The following ACSM1 variants were observed in gnomAD, a reference collection of about 807,000 sequenced individuals.
ACSM1 encodes the protein acyl-coenzyme A synthetase ACSM1, mitochondrial.
ACSM1 carries 79 observed loss-of-function variants against 75.8 expected under a neutral mutation model. The ratio of observed to expected loss-of-function variants is 1.04; its 90% CI spans 0.87 to 1.26. The LOEUF (loss-of-function observed/expected upper bound fraction) is 1.26. Among genes scored for constraint, ACSM1 ranks in the 50% most tolerant of loss-of-function variants. The pLI, the probability that ACSM1 is intolerant of heterozygous loss-of-function variation, is 0.00. For synonymous variants in ACSM1, 279 were observed against 265.8 expected (o/e 1.05, Z -0.48); for missense variants, 676 against 720.1 (o/e 0.94, Z 0.70).
chr16:20,654,094 A>G (rs2018806384), intron 7 of ACSM1, among the ~76,000 whole-genome samples: 1 of 152,210 alleles, frequency 6.6e-6, no homozygotes, highest in Non-Finnish European at 1.5e-5. Flanking sequence ...CCTCAGAAAT[A>G]ATACCAAACA....
At chr16:20,649,942 A>G (rs1274965032) in intron 7 of ACSM1, among the ~76,000 whole-genome samples, 1 of 152,174 alleles carries the variant, frequency 6.6e-6, no homozygotes, top group Non-Finnish European at 1.5e-5. Flanking sequence ...ACTCTTTGTC[A>G]ACAATAGTTT....
intron 10 of ACSM1, among the ~76,000 whole-genome samples, chr16:20,633,482 G>C (rs531670997): frequency 6.6e-6 from 1 of 152,242 alleles, no homozygotes; most frequent in African/African-American, 2.4e-5. Context: ...GGAGGCAAAA[G>C]ACTTGTACAC....
intron 7 of ACSM1, among the ~76,000 whole-genome samples, chr16:20,655,475 T>C (rs2018908297): frequency 6.6e-6 from 1 of 152,150 alleles, no homozygotes. Context: ...GTGAATGAAC[T>C]ATGTAAGTCA....
At chr16:20,627,904 A>ACATATATGTATATATATG (rs2017081267) in intron 10 of ACSM1, among the ~76,000 whole-genome samples, 1 of 72,308 alleles carries the variant, frequency 1.4e-5, no homozygotes, top group South Asian at 3.6e-4. Context: ...ATATATATAT[A>ACATATATGTATATATATG]TATATATATA....
At position 20,638,245 on chromosome 16, in the gene ACSM1, A is replaced by C. The variant is rs142986486; in HGVS notation, c.1117-794T>G. 2.7e-4 allele frequency among the ~76,000 whole-genome samples: 41 copies of C among 152,302 alleles called. 1 individual carries two copies. Among genetic ancestry groups the C allele is most frequent in the African/African-American group, 9.9e-4 (41 of 41,562 alleles). On this transcript the variant is annotated intron_variant, in intron 8 of 13. Transcript: ENST00000520010. ...AATAATGATAACACTTACCTCCCAG[A>C]GTGCTTGTAAGCATATGGAAAATTC...
intron 7 of ACSM1, among the ~76,000 whole-genome samples, chr16:20,653,984 G>C (rs145544536): frequency 3.3e-5 from 5 of 152,108 alleles, no homozygotes; most frequent in Admixed American, 1.3e-4. Context: ...TGGAGGCATC[G>C]CGCTACCTGA....
At chr16:20,673,480 TAA>T (rs994455662) in intron 4 of ACSM1, among the ~76,000 whole-genome samples, 2 of 152,172 alleles carry the variant, frequency 1.3e-5, no homozygotes, top group African/African-American at 4.8e-5. Context: ...GGGGTTGAAA[TAA>T]AGAGCTTTAA....
At chr16:20,672,371 C>T (rs961427593) in intron 4 of ACSM1, among the ~76,000 whole-genome samples, 2 of 139,684 alleles carry the variant, frequency 1.4e-5, no homozygotes, top group African/African-American at 2.7e-5. Context: ...TAGTTGTGAA[C>T]CTGGGAGGCT....
At chr16:20,671,807 G>T in intron 4 of ACSM1, 136 bp from the exon 5 acceptor site, 2 of 961,726 alleles carry the variant, frequency 2.1e-6, no homozygotes, top group South Asian at 2.7e-5. Flanking sequence ...CTCTCCCGGA[G>T]TTAGGCATCA....
chr16:20,650,736 T>C (rs186619314), intron 7 of ACSM1, among the ~76,000 whole-genome samples: 151 of 152,198 alleles, frequency 9.9e-4, no homozygotes, highest in Non-Finnish European at 1.8e-3. Context: ...AATGACCCTC[T>C]TTTGGGCACT....
chr16:20,685,843 AAAAC>A lies in ACSM1; in HGVS notation c.193-444_193-441del, dbSNP rs1212191682. Among the ~76,000 whole-genome samples the A allele has an allele frequency of 3.8e-3, 475 of 125,270 alleles. 69 individuals carry two copies. The highest frequency in any genetic ancestry group is 6.7e-3 in the Non-Finnish European group (363 of 53,824). The allele number at this position is 125,270 out of a possible 152,430, so 82.2% of individuals were successfully genotyped here. A position where few individuals can be genotyped will look rare whatever the true frequency, so the allele number is the denominator to read the frequency against. ...TCAAAAAAAAAAAACAAACAAAAAAAAAACAAAAAACTTATAGCATCAGGAGAGG... is the reference window on the plus strand; with the variant it reads ...TCAAAAAAAAAAAACAAACAAAAAAAAAAAAACTTATAGCATCAGGAGAGG... On this transcript the variant is annotated intron_variant, in intron 2 of 13. Coordinates refer to ENST00000520010, the MANE Select transcript of ACSM1 (RefSeq NM_001318890.3).
chr16:20,641,270 G>T (rs998303215), intron 7 of ACSM1, among the ~76,000 whole-genome samples: 2 of 152,158 alleles, frequency 1.3e-5, no homozygotes, highest in African/African-American at 4.8e-5. Flanking sequence ...GCTAATAGAG[G>T]TGGCCTTGCA....
Position 20,624,230 on chromosome 16 carries a change from C to G in ACSM1, c.1528-15G>C. The G allele has an allele frequency of 1.3e-6, 2 of 1,599,920 alleles. No homozygotes were observed. The highest frequency in any genetic ancestry group is 2.2e-5 in the South Asian group (2 of 89,374). ...GCCTTCACCACCTGCAGAATGAAGT[C>G]ATGGGCTCACAGTGAGTGCCAACCT... On this transcript the variant is annotated splice_polypyrimidine_tract_variant and intron_variant, in intron 12 of 13. Transcript: ENST00000520010.
At chr16:20,661,969 A>G in intron 6 of ACSM1, 96 bp from the exon 7 acceptor site, 2 of 699,108 alleles carry the variant, frequency 2.9e-6, no homozygotes, top group East Asian at 5.4e-5. Context: ...CCACTAGAAG[A>G]GCCCATTTGT....
intron 4 of ACSM1, chr16:20,679,146 C>G (rs939562683): frequency 6.6e-6 from 1 of 152,246 alleles, no homozygotes; most frequent in Non-Finnish European, 1.5e-5. Context: ...TCTACTTCTA[C>G]TGCTGTTAAA....
chr16:20,668,913 TGA>T (rs1450861660), intron 6 of ACSM1, among the ~76,000 whole-genome samples: 1 of 152,052 alleles, frequency 6.6e-6, no homozygotes. Flanking sequence ...TAGCGAAAAG[TGA>T]GAGACTGAAA....
At chr16:20,675,337 G>A (rs923913202) in intron 4 of ACSM1, among the ~76,000 whole-genome samples, 3 of 152,180 alleles carry the variant, frequency 2.0e-5, no homozygotes. Context: ...AGATCCCTTA[G>A]CGCAGGCTGT....
At chr16:20,628,795 T>C (rs938974318) in intron 10 of ACSM1, among the ~76,000 whole-genome samples, 1 of 152,142 alleles carries the variant, frequency 6.6e-6, no homozygotes, top group African/African-American at 2.4e-5. Context: ...TCGCCCATTT[T>C]AAATAAGAAA....
chr16:20,635,197 G>A (rs2017592742), intron 10 of ACSM1, among the ~76,000 whole-genome samples: 1 of 152,014 alleles, frequency 6.6e-6, no homozygotes, highest in South Asian at 2.1e-4. Flanking sequence ...GAGTTTGAAA[G>A]TAGTCTGGGC....
Sources: allele counts gnomAD v4.1 joint callset (sites outside exome capture counted in the v4.1 genomes callset), GRCh38; gene constraint gnomAD v4.1.1; transcripts MANE v1.5; gene names NCBI Gene and HGNC (gene_info 2026-07-23, HGNC 2026-07-21).